Variants in ANXA8 observed in about 807,000 individuals in gnomAD.
The protein encoded by ANXA8 is annexin A8.
Under a neutral mutation model 26.8 loss-of-function variants are expected in ANXA8, and 9 were observed. That is an observed-to-expected ratio of 0.34 (90% CI 0.20 to 0.59). The LOEUF (loss-of-function observed/expected upper bound fraction) is 0.59, where lower values mean the gene tolerates loss of function less well. Among genes scored for constraint, ANXA8 ranks in the 20% least tolerant of loss-of-function variants. ANXA8 has a pLI of 0.84. For missense variants in ANXA8, 83 were observed against 238.5 expected (o/e 0.35, Z 4.29); for synonymous variants, 39 against 94.8 (o/e 0.41, Z 3.42).
chr10:47,664,311 G>A, the ANXA8 span, among the ~76,000 whole-genome samples: 1 of 152,074 alleles, frequency 6.6e-6, no homozygotes, highest in East Asian at 1.9e-4. Flanking sequence ...CCAAGAGGTG[G>A]AGGTTGCAGT....
the ANXA8 span, among the ~76,000 whole-genome samples, chr10:47,710,980 A>C: frequency 6.8e-6 from 1 of 146,760 alleles, no homozygotes; most frequent in Non-Finnish European, 1.5e-5. Context: ...TTTTTAGTGA[A>C]GATCTTACCT....
At chr10:47,470,360 C>T (rs1321947226) in intron 11 of ANXA8, among the ~76,000 whole-genome samples, 2 of 145,204 alleles carry the variant, frequency 1.4e-5, no homozygotes, top group Non-Finnish European at 3.0e-5. Context: ...CCGTAAGTTA[C>T]CATGTGTGGT....
the ANXA8 span, among the ~76,000 whole-genome samples, chr10:47,556,751 A>G: frequency 1.3e-5 from 2 of 150,852 alleles, no homozygotes; most frequent in Non-Finnish European, 2.9e-5. Context: ...ATACATATGT[A>G]TTATAATTTT....
At chr10:47,672,058 A>T in the ANXA8 span, among the ~76,000 whole-genome samples, 1 of 151,172 alleles carries the variant, frequency 6.6e-6, no homozygotes, top group Non-Finnish European at 1.5e-5. Flanking sequence ...CTCCTTCTAC[A>T]GTCCTTTCTA....
At chr10:47,771,620 C>T in the ANXA8 span, among the ~76,000 whole-genome samples, 15,694 of 149,294 alleles carry the variant, frequency 0.11, 353 homozygotes, top group African/African-American at 0.16. Context: ...TCTTGTTGCC[C>T]GGGCTGGAGT....
At chr10:47,710,954 G>C in the ANXA8 span, among the ~76,000 whole-genome samples, 1 of 140,332 alleles carries the variant, frequency 7.1e-6, no homozygotes, top group Non-Finnish European at 1.5e-5. Context: ...TTTATTCCCA[G>C]ATATACTACT....
the ANXA8 span, among the ~76,000 whole-genome samples, chr10:47,566,971 C>T: frequency 1.1e-4 from 17 of 148,124 alleles, no homozygotes; most frequent in African/African-American, 4.4e-4. Flanking sequence ...GCGGGGAGCC[C>T]TGGACTGCCA....
At chr10:47,566,216 C>T in the ANXA8 span, among the ~76,000 whole-genome samples, 376 of 152,090 alleles carry the variant, frequency 2.5e-3, 2 homozygotes, top group African/African-American at 8.6e-3. Context: ...TCTATTTTTA[C>T]TGTCTGGTAT....
the ANXA8 span, among the ~76,000 whole-genome samples, chr10:47,663,591 G>T: frequency 7.8e-6 from 1 of 128,680 alleles, no homozygotes; most frequent in East Asian, 2.8e-4. Flanking sequence ...CACTATGTTG[G>T]CAGGCTGGTC....
the ANXA8 span, among the ~76,000 whole-genome samples, chr10:47,670,176 G>C: frequency 6.6e-6 from 1 of 151,886 alleles, no homozygotes; most frequent in Non-Finnish European, 1.5e-5. Flanking sequence ...CTATGGTATA[G>C]CATAGATCAC....
the ANXA8 span, among the ~76,000 whole-genome samples, chr10:47,546,489 G>A: frequency 1.3e-3 from 157 of 118,594 alleles, 6 homozygotes; most frequent in African/African-American, 4.8e-3. Flanking sequence ...CGCAAGCTCC[G>A]CCCCCCGGAT....
At chr10:47,631,953 A>G in the ANXA8 span, among the ~76,000 whole-genome samples, 1 of 151,992 alleles carries the variant, frequency 6.6e-6, no homozygotes, top group Admixed American at 6.5e-5. Flanking sequence ...CAATCAAGAT[A>G]CATATTATAG....
chr10:47,975,498 G>A, the ANXA8 span, among the ~76,000 whole-genome samples: 11 of 148,778 alleles, frequency 7.4e-5, 3 homozygotes, highest in Non-Finnish European at 1.7e-4. Flanking sequence ...CATGGCAGGT[G>A]CATGTATCAG....
At chr10:47,488,712 A>ATTTTTTT (rs1840088979), upstream of ANXA8, among the ~76,000 whole-genome samples, 3 of 95,952 alleles carry the variant, frequency 3.1e-5, no homozygotes, top group African/African-American at 8.3e-5. Context: ...TTACATGTTA[A>ATTTTTTT]ATTTTTTTTT....
the ANXA8 span, among the ~76,000 whole-genome samples, chr10:47,945,988 C>G: frequency 1.5e-5 from 2 of 131,428 alleles, no homozygotes; most frequent in Non-Finnish European, 3.1e-5. Flanking sequence ...TCTGGCTACA[C>G]TGGGGAAAAC....
At chr10:47,533,225 C>CACACACACAAACACACA in the ANXA8 span, among the ~76,000 whole-genome samples, 1 of 98,612 alleles carries the variant, frequency 1.0e-5, no homozygotes, top group African/African-American at 3.8e-5. Flanking sequence ...ACACACACAC[C>CACACACACAAACACACA]CCCGCAGACA....
the ANXA8 span, among the ~76,000 whole-genome samples, chr10:47,943,923 G>C: frequency 1.6e-4 from 23 of 147,718 alleles, 2 homozygotes; most frequent in Non-Finnish European, 1.0e-4. Context: ...GCCAAAACTG[G>C]CAAGGAGTGG....
chr10:47,544,151 C>A, the ANXA8 span, among the ~76,000 whole-genome samples: 1 of 151,904 alleles, frequency 6.6e-6, no homozygotes, highest in African/African-American at 2.4e-5. Context: ...GATGGGGCCA[C>A]ATCCTGTAGC....
the ANXA8 span, chr10:47,973,311 G>C: frequency 6.9e-6 from 1 of 144,988 alleles, no homozygotes; most frequent in Non-Finnish European, 1.5e-5. Flanking sequence ...TGTGCCTCAG[G>C]AATCAGCTTA....
Sources: allele counts gnomAD v4.1 joint callset (sites outside exome capture counted in the v4.1 genomes callset), GRCh38; gene constraint gnomAD v4.1.1; transcripts MANE v1.5; gene names NCBI Gene and HGNC (gene_info 2026-07-23, HGNC 2026-07-21).